The following CD99L2 variants were observed in gnomAD, a reference collection of about 807,000 sequenced individuals.
The protein encoded by CD99L2 is CD99 antigen-like protein 2.
A neutral mutation model predicts 27.3 loss-of-function variants in CD99L2; 24 were observed. The observed-to-expected ratio is 0.88, with a 90% CI of 0.64 to 1.24. The LOEUF (loss-of-function observed/expected upper bound fraction) is 1.24, where lower values mean the gene tolerates loss of function less well. Among genes scored for constraint, CD99L2 ranks in the 50% most tolerant of loss-of-function variants. The pLI is 0.00. For synonymous variants in CD99L2, 97 were observed against 87.9 expected (o/e 1.10, Z -0.58); for missense variants, 255 against 221.6 (o/e 1.15, Z -0.96).
intron 7 of CD99L2, among the ~76,000 whole-genome samples, chrX:150,785,996 T>C (rs911380460): frequency 9.0e-6 from 1 of 111,630 alleles, no homozygotes; most frequent in East Asian, 2.8e-4. Context: ...ATAGCTCTCA[T>C]TTCTCTTGAA....
intron 1 of CD99L2, among the ~76,000 whole-genome samples, chrX:150,895,854 T>C (rs907336336): frequency 9.3e-6 from 1 of 107,894 alleles, no homozygotes; most frequent in Non-Finnish European, 1.9e-5. Flanking sequence ...GGTGAAACTC[T>C]GTCTGTACTA....
chrX:150,857,387 T>C lies in CD99L2; in HGVS notation c.68-26094A>G, dbSNP rs2046908407. ...CAAGAGAAAAGCATCTAATCACCTA[T>C]AAAGGAACCCCCATCAGACTAACAG... On this transcript the variant is annotated intron_variant, in intron 1 of 10. Transcript: ENST00000370377. 4.6e-5 allele frequency among the ~76,000 whole-genome samples: 5 copies of C among 109,032 alleles called. No individual in the cohort carries two copies. In the Admixed American group the frequency reaches 4.9e-4, roughly 11 times the overall value. 94.7% of individuals were successfully genotyped at this position (109,032 alleles called of 115,157 possible).
intron 7 of CD99L2, among the ~76,000 whole-genome samples, 161 bp from the exon 8 acceptor site, chrX:150,777,643 G>C (rs1168599784): frequency 1.1e-4 from 12 of 112,871 alleles, no homozygotes; most frequent in African/African-American, 3.5e-4. Context: ...ACTGCAATGA[G>C]GCCTGCTTTC....
chrX:150,824,369 AAGAAGAAGAAGAAAG>A (rs2046310212), intron 2 of CD99L2, among the ~76,000 whole-genome samples: 1 of 93,528 alleles, frequency 1.1e-5, no homozygotes, highest in Non-Finnish European at 2.2e-5. Context: ...AAGGAAGAAG[AAGAAGAAGAAGAAAG>A]AAGAAGAAGA....
At chrX:150,826,636 A>C (rs782655430) in intron 2 of CD99L2, among the ~76,000 whole-genome samples, 1 of 112,145 alleles carries the variant, frequency 8.9e-6, no homozygotes, top group Non-Finnish European at 1.9e-5. Context: ...TAAAGGATAC[A>C]ATGTTTCTTT....
chrX:150,797,047 G>C (rs1290669729), intron 4 of CD99L2, among the ~76,000 whole-genome samples: 3 of 110,742 alleles, frequency 2.7e-5, no homozygotes, highest in Admixed American at 9.6e-5. Context: ...ACATGAAGAA[G>C]AGCCTCAAAT....
chrX:150,894,756 T>A, intron 1 of CD99L2, among the ~76,000 whole-genome samples: 1 of 110,049 alleles, frequency 9.1e-6, no homozygotes, highest in Admixed American at 9.7e-5. Flanking sequence ...CCTGGCTAAT[T>A]TTTGTATTTT....
At position 150,795,283 on chromosome X, in the gene CD99L2, T is replaced by C. The variant is rs1557419867; in HGVS notation, c.353A>G (p.Asp118Gly). Residue 118 changes from aspartate (D) to glycine (G), a missense_variant, in exon 6 of 11, where the codon GAT (aspartate) becomes GGT (glycine). Asp to Gly is a moderately conservative substitution (Grantham distance 94). Transcript: ENST00000370377. ...TRAPANTLGN[D>G]FDLADALDDR... Reference sequence around the variant, plus strand: ...ATCCAGGGCATCAGCCAAGTCAAAATCATTTCCTTCATGGGGTCCCAAAAT... The same window carrying C: ...ATCCAGGGCATCAGCCAAGTCAAAACCATTTCCTTCATGGGGTCCCAAAAT... 8.3e-7 allele frequency: 1 copy of C among 1,211,598 alleles called. No individual in the cohort carries two copies. Among genetic ancestry groups the C allele is most frequent in the South Asian group, 1.8e-5 (1 of 56,947 alleles).
chrX:150,868,405 G>A (rs782670011), intron 1 of CD99L2, among the ~76,000 whole-genome samples: 2 of 111,270 alleles, frequency 1.8e-5, no homozygotes, highest in South Asian at 7.6e-4. Context: ...GCACATGCCT[G>A]TAATCCCAGC....
At chrX:150,892,500 G>GGAGGCTGA (rs1304427842) in intron 1 of CD99L2, among the ~76,000 whole-genome samples, 2 of 105,224 alleles carry the variant, frequency 1.9e-5, no homozygotes, top group Non-Finnish European at 3.9e-5. Context: ...CAGCTACTAG[G>GGAGGCTGA]GAGGCTGAGG....
Position 150,898,612 on chromosome X carries a change from C to T in CD99L2, c.-24G>A, listed in dbSNP as rs1557423160. 1 of 1,085,430 alleles carries T rather than the reference C, an allele frequency of 9.2e-7. No homozygotes were observed. Among genetic ancestry groups the T allele is most frequent in the Admixed American group, 3.8e-5 (1 of 26,006 alleles). 89.5% of individuals were successfully genotyped at this position (1,085,430 alleles called of 1,213,427 possible). A position where few individuals can be genotyped will look rare whatever the true frequency, so the allele number is the denominator to read the frequency against. ...ATGGCTGGGAGCAGGCGGAGGGCCC[C>T]GGAGGAGCACAGTTAGCGCGAGAGC... On this transcript the variant is annotated 5_prime_UTR_variant, in exon 1 of 11. Coordinates refer to ENST00000370377, the MANE Select transcript of CD99L2 (RefSeq NM_031462.4).
chrX:150,824,425 GAGAAGAAGAAGAAAGAAGAAAGA>G (rs1350971261), intron 2 of CD99L2, among the ~76,000 whole-genome samples: 17 of 88,744 alleles, frequency 1.9e-4, no homozygotes, highest in Non-Finnish European at 3.1e-4. Context: ...AAGAAGAAAA[GAGAAGAAGAAGAAAGAAGAAAGA>G]AGAAGAAGAA....
intron 8 of CD99L2, 67 bp downstream of exon 8, chrX:150,777,376 AT>A: frequency 8.5e-7 from 1 of 1,173,777 alleles, no homozygotes; most frequent in Non-Finnish European, 1.2e-6. Flanking sequence ...TGGCTTAGTG[AT>A]TTTGGGGTCC....
At chrX:150,867,297 C>A (rs2047076513) in intron 1 of CD99L2, among the ~76,000 whole-genome samples, 1 of 111,059 alleles carries the variant, frequency 9.0e-6, no homozygotes, top group Non-Finnish European at 1.9e-5. Context: ...GTAGTTTCAG[C>A]TACTTGGGAG....
intron 2 of CD99L2, among the ~76,000 whole-genome samples, chrX:150,821,992 A>G (rs2046249439): frequency 8.9e-6 from 1 of 112,457 alleles, no homozygotes; most frequent in Non-Finnish European, 1.9e-5. Flanking sequence ...CAGAATGACC[A>G]TAGTAACCAG....
At chrX:150,853,947 A>G (rs1557421668) in intron 1 of CD99L2, among the ~76,000 whole-genome samples, 1 of 112,207 alleles carries the variant, frequency 8.9e-6, no homozygotes, top group Non-Finnish European at 1.9e-5. Context: ...AAAAAGGAGG[A>G]GAAAAATCCA....
At chrX:150,793,922 T>TG (rs1329833878) in intron 6 of CD99L2, among the ~76,000 whole-genome samples, 166 bp from the exon 7 acceptor site, 3 of 111,299 alleles carry the variant, frequency 2.7e-5, no homozygotes, top group Non-Finnish European at 5.7e-5. Context: ...CTGGTGTACA[T>TG]GTCCCGCATA....
intron 4 of CD99L2, among the ~76,000 whole-genome samples, chrX:150,802,304 C>T (rs961432323): frequency 2.7e-5 from 3 of 110,998 alleles, no homozygotes; most frequent in Admixed American, 9.6e-5. Flanking sequence ...TGGCTCACGC[C>T]TATAATGCCA....
At chrX:150,892,207 C>A (rs2047524303) in intron 1 of CD99L2, among the ~76,000 whole-genome samples, 1 of 108,793 alleles carries the variant, frequency 9.2e-6, no homozygotes, top group Non-Finnish European at 1.9e-5. Flanking sequence ...GGCAACAAGA[C>A]TGAAACTCCA....
Sources: gnomAD v4.1 joint callset for allele counts (sites outside exome capture counted in the v4.1 genomes callset) on GRCh38, gnomAD v4.1.1 for gene constraint, MANE v1.5 for transcripts, NCBI Gene and HGNC (gene_info 2026-07-23, HGNC 2026-07-21) for gene names.